Variants in DNAH11 observed in about 807,000 individuals in gnomAD.
DNAH11 encodes dynein axonemal heavy chain 11.
DNAH11 carries 442 observed loss-of-function variants against 526.0 expected under a neutral mutation model. That is an observed-to-expected ratio of 0.84 (90% CI 0.78 to 0.91). The LOEUF is 0.91. Ranked by LOEUF, DNAH11 falls within the 40% of genes least tolerant of loss-of-function variation. DNAH11 has a pLI of 0.00. For missense variants in DNAH11, 6,989 were observed against 5,448.7 expected, an observed-to-expected ratio of 1.28 and a Z score of -8.90; for synonymous variants, 2,461 against 1,935.9, an observed-to-expected ratio of 1.27 and a Z score of -7.12.
At chr7:21,724,293 A>G (rs1329423078) in intron 44 of DNAH11, among the ~76,000 whole-genome samples, 1 of 152,206 alleles carries the variant, frequency 6.6e-6, no homozygotes, top group Non-Finnish European at 1.5e-5. Flanking sequence ...AAATGAACCT[A>G]AAGTCATAAC....
At chr7:21,667,232 G>C (rs1335666566) in intron 30 of DNAH11, among the ~76,000 whole-genome samples, 1 of 152,114 alleles carries the variant, frequency 6.6e-6, no homozygotes, top group Non-Finnish European at 1.5e-5. Context: ...ACAAAGCCCT[G>C]AGAAATGCTT....
intron 51 of DNAH11, among the ~76,000 whole-genome samples, chr7:21,745,891 G>A (rs1044396232): frequency 3.9e-5 from 6 of 152,292 alleles, no homozygotes; most frequent in South Asian, 2.1e-4. Context: ...AGATCTGGAG[G>A]AAGAACATTC....
intron 54 of DNAH11, among the ~76,000 whole-genome samples, chr7:21,765,114 T>C (rs1486361554): frequency 6.6e-6 from 1 of 152,224 alleles, no homozygotes; most frequent in Non-Finnish European, 1.5e-5. Flanking sequence ...TTTATTTTTA[T>C]TATAATGTTA....
intron 2 of DNAH11, among the ~76,000 whole-genome samples, chr7:21,549,516 T>C (rs890542524): frequency 2.0e-5 from 3 of 152,192 alleles, no homozygotes; most frequent in Non-Finnish European, 2.9e-5. Context: ...AGTTTTTTAT[T>C]AGTTTGAGAA....
rs1783903519 is a variant in DNAH11 at position 21,571,857 on chromosome 7, G to A, written c.1477G>A (p.Gly493Ser). The A allele has an allele frequency of 1.2e-6, 2 of 1,612,900 alleles. No homozygotes were observed. Among genetic ancestry groups the A allele is most frequent in the African/African-American group, 2.7e-5 (2 of 74,870 alleles). Residue 493 changes from glycine to serine, a missense_variant, in exon 8 of 82, where the codon GGT becomes AGT. Transcript: ENST00000409508. ...EFEKLERLEFGGTKGAILNGQ... is the reference protein window; with the variant it reads ...EFEKLERLEFSGTKGAILNGQ... ...TGAAAAGCTGGAAAGACTGGAATTT[G>A]GTGGTACCAAAGGAGCAATTTTAAA...
intron 63 of DNAH11, among the ~76,000 whole-genome samples, chr7:21,814,912 G>A (rs1789709161): frequency 6.6e-6 from 1 of 152,054 alleles, no homozygotes; most frequent in Non-Finnish European, 1.5e-5. Flanking sequence ...TATGCTGCTG[G>A]TTATTTGGAC....
At chr7:21,559,997 A>G (rs911121398) in intron 4 of DNAH11, among the ~76,000 whole-genome samples, 7 of 152,164 alleles carry the variant, frequency 4.6e-5, no homozygotes, top group African/African-American at 1.2e-4. Context: ...TTTTGACAGC[A>G]TTTGAGATGA....
At chr7:21,804,032 G>A (rs1789128225) in intron 62 of DNAH11, among the ~76,000 whole-genome samples, 1 of 152,346 alleles carries the variant, frequency 6.6e-6, no homozygotes, top group Admixed American at 6.5e-5. Flanking sequence ...AAACGAGGGG[G>A]TACGTGTTTC....
intron 30 of DNAH11, among the ~76,000 whole-genome samples, chr7:21,663,168 T>A (rs1042531706): frequency 1.3e-5 from 2 of 152,188 alleles, no homozygotes; most frequent in Non-Finnish European, 2.9e-5. Context: ...TTCTTTTTTA[T>A]GGTGGAGTAG....
Position 21,763,352 on chromosome 7 carries a change from A to AGAAAAG in DNAH11, c.8941-2076_8941-2075insGAAAAG, listed in dbSNP as rs1554278426. ...GCAAGACTGTCTCAAAAAAAAAAAA[A>AGAAAAG]AAAAGAAAAAAAAAAAGACTTACAA... On this transcript the variant is annotated intron_variant, in intron 54 of 81. Transcript: ENST00000409508. Among the ~76,000 whole-genome samples the AGAAAAG allele has an allele frequency of 1.8e-5, 2 of 112,328 alleles. 1 individual carries two copies. Among genetic ancestry groups the AGAAAAG allele is most frequent in the Non-Finnish European group, 3.8e-5 (2 of 52,854 alleles). The allele number at this position is 112,328 out of a possible 152,430, so 73.7% of individuals were successfully genotyped here.
chr7:21,572,205 G>A (rs113797492), intron 8 of DNAH11, among the ~76,000 whole-genome samples: 41 of 152,268 alleles, frequency 2.7e-4, no homozygotes, highest in African/African-American at 8.2e-4. Context: ...GCAGACCTCA[G>A]TCTGGATTTG....
chr7:21,842,402 A>T lies in DNAH11; in HGVS notation c.10692-142A>T, dbSNP rs549258215. Reference sequence around the variant, plus strand: ...ATTGCTGATCCTGCTGTACTTTAGGAAATTTGGGAGTAGCTGAAAAATTCT... The same window carrying T: ...ATTGCTGATCCTGCTGTACTTTAGGTAATTTGGGAGTAGCTGAAAAATTCT... On this transcript the variant is annotated intron_variant, in intron 65 of 81. Coordinates refer to ENST00000409508, the MANE Select transcript of DNAH11 (RefSeq NM_001277115.2). 54 of 610,892 alleles carry T rather than the reference A, an allele frequency of 8.8e-5. No individual in the cohort carries two copies. In the African/African-American group the frequency reaches 9.0e-4, roughly 10 times the overall value. The allele number at this position is 610,892 out of a possible 1,614,324, so 37.8% of individuals were successfully genotyped here. A position where few individuals can be genotyped will look rare whatever the true frequency, so the allele number is the denominator to read the frequency against.
rs762123009 is a variant in DNAH11 at position 21,873,232 on chromosome 7, T to C, written c.11968-42T>C. 1.3e-5 allele frequency: 19 copies of C among 1,424,646 alleles called. No homozygotes were observed. The Admixed American group carries it at 3.4e-4, about 26-fold the overall frequency. 88.3% of individuals were successfully genotyped at this position (1,424,646 alleles called of 1,614,324 possible). A position where few individuals can be genotyped will look rare whatever the true frequency, so the allele number is the denominator to read the frequency against. On this transcript the variant is annotated intron_variant, in intron 73 of 81. Coordinates refer to ENST00000409508, the MANE Select transcript of DNAH11 (RefSeq NM_001277115.2). ...ATGTAATCTTATAATTCAAGTAATATGCCTCACCTTCACAGGAATTATGCA... is the reference window on the plus strand; with the variant it reads ...ATGTAATCTTATAATTCAAGTAATACGCCTCACCTTCACAGGAATTATGCA...
intron 25 of DNAH11, among the ~76,000 whole-genome samples, chr7:21,629,533 A>C (rs1786503641): frequency 6.6e-6 from 1 of 152,092 alleles, no homozygotes; most frequent in Non-Finnish European, 1.5e-5. Flanking sequence ...ATTGTGTTGC[A>C]GCCTATCTTT....
At chr7:21,753,346 G>C (rs79753264) in intron 54 of DNAH11, among the ~76,000 whole-genome samples, 173 of 152,284 alleles carry the variant, frequency 1.1e-3, no homozygotes, top group African/African-American at 3.3e-3. Flanking sequence ...GGCTACTAAG[G>C]AGTCTGAGGG....
chr7:21,793,615 C>CAAAAA (rs35648252), intron 61 of DNAH11, among the ~76,000 whole-genome samples: 1 of 106,168 alleles, frequency 9.4e-6, no homozygotes, highest in Admixed American at 9.2e-5. Flanking sequence ...GACTCTGTCT[C>CAAAAA]AAAAAAAAAA....
rs1446017797 is a variant in DNAH11 at position 21,807,871 on chromosome 7, T to C, written c.10166-12T>C. 1 of 1,581,452 alleles carries C rather than the reference T, an allele frequency of 6.3e-7. No individual in the cohort carries two copies. The highest frequency in any genetic ancestry group is 8.7e-7 in the Non-Finnish European group (1 of 1,155,092). On this transcript the variant is annotated splice_polypyrimidine_tract_variant and intron_variant, in intron 62 of 81. Coordinates refer to ENST00000409508, the MANE Select transcript of DNAH11 (RefSeq NM_001277115.2). ...CTGCAATTACAGCTGAGTAATTTCA[T>C]CTTTCAGTCAGAGAAGATTCGCTGG...
At chr7:21,700,437 TG>T (rs985417384) in intron 36 of DNAH11, among the ~76,000 whole-genome samples, 2 of 152,206 alleles carry the variant, frequency 1.3e-5, no homozygotes, top group African/African-American at 2.4e-5. Flanking sequence ...TTTAGCTATT[TG>T]CATTGTTTAA....
chr7:21,616,286 T>G lies in DNAH11; in HGVS notation c.4089T>G (p.Phe1363Leu). Residue 1363 changes from phenylalanine (F) to leucine (L), a missense_variant, in exon 22 of 82, where the codon TTT becomes TTG. Physicochemically the swap from Phe to Leu is conservative, Grantham distance 22 (BLOSUM62 0). Transcript: ENST00000409508. ...AGATGGATGTAGAACTCAGAAGGTTTGCCAAGGCGAGTTCCATAACTGTCT... is the reference window on the plus strand; with the variant it reads ...AGATGGATGTAGAACTCAGAAGGTTGGCCAAGGCGAGTTCCATAACTGTCT... Reference protein sequence around the residue: ...VEQMDVELRRFAKEIWSLNKE... With the variant: ...VEQMDVELRRLAKEIWSLNKE... 6.2e-7 allele frequency: 1 copy of G among 1,611,452 alleles called. No homozygotes were observed. Among genetic ancestry groups the G allele is most frequent in the Non-Finnish European group, 8.5e-7 (1 of 1,178,528 alleles).
Sources: gnomAD v4.1 joint callset for allele counts (sites outside exome capture counted in the v4.1 genomes callset) on GRCh38, gnomAD v4.1.1 for gene constraint, MANE v1.5 for transcripts, NCBI Gene and HGNC (gene_info 2026-07-23, HGNC 2026-07-21) for gene names.